The following PDZRN4 variants were observed in gnomAD, a reference collection of about 807,000 sequenced individuals.
The protein encoded by PDZRN4 is PDZ domain containing ring finger 4.
A neutral mutation model predicts 99.0 loss-of-function variants in PDZRN4; 70 were observed. That is an observed-to-expected ratio of 0.71 (90% CI 0.58 to 0.86). PDZRN4 has a LOEUF of 0.86. PDZRN4 is among the 40% of genes least tolerant of loss of function. PDZRN4 has a pLI of 0.00. For synonymous variants in PDZRN4, 551 were observed against 501.6 expected (o/e 1.10, Z -1.32); for missense variants, 1,474 against 1,331.2 (o/e 1.11, Z -1.67).
intron 3 of PDZRN4, among the ~76,000 whole-genome samples, chr12:41,246,022 T>A (rs1256158817): frequency 6.6e-6 from 1 of 152,142 alleles, no homozygotes; most frequent in African/African-American, 2.4e-5. Context: ...CCATCTGAGA[T>A]TTTAAGTCTT....
rs568690752 is a variant in PDZRN4 at position 41,523,561 on chromosome 12, G to C, written c.1203+13648G>C. ...AAGCACCTAGTTCGTATTAGAGACT[G>C]TCTCAGGTACTGGGAACACAGGGGG... is the stretch of plus-strand genomic sequence containing the variant. On this transcript the variant is annotated intron_variant, in intron 5 of 9. Coordinates refer to ENST00000402685, the MANE Select transcript of PDZRN4 (RefSeq NM_001164595.2). 7.2e-5 allele frequency among the ~76,000 whole-genome samples: 11 copies of C among 152,228 alleles called. No homozygotes were observed. The East Asian group carries it at 1.5e-3, about 21-fold the overall frequency.
chr12:41,397,868 G>T (rs983071463), intron 3 of PDZRN4, among the ~76,000 whole-genome samples: 4 of 151,954 alleles, frequency 2.6e-5, no homozygotes, highest in Admixed American at 6.6e-5. Context: ...CCTATCCTTT[G>T]AGGCTGTGTC....
intron 3 of PDZRN4, among the ~76,000 whole-genome samples, chr12:41,224,030 C>A (rs1950976468): frequency 6.6e-6 from 1 of 152,220 alleles, no homozygotes; most frequent in African/African-American, 2.4e-5. Context: ...CAACTCTCTG[C>A]AGAAAACTGC....
intron 7 of PDZRN4, among the ~76,000 whole-genome samples, chr12:41,561,746 G>A: frequency 6.6e-6 from 1 of 151,842 alleles, no homozygotes; most frequent in Admixed American, 6.6e-5. Context: ...TGTGCCTGTA[G>A]TGGAGAGGAG....
At chr12:41,369,276 T>C (rs10506192) in intron 3 of PDZRN4, among the ~76,000 whole-genome samples, 72,001 of 151,914 alleles carry the variant, frequency 0.47, 17,848 homozygotes, top group Middle Eastern at 0.65. Flanking sequence ...CAGAATGGTA[T>C]GATAAAATCT....
intron 3 of PDZRN4, among the ~76,000 whole-genome samples, chr12:41,330,680 AG>A (rs1426941439): frequency 6.6e-6 from 1 of 152,056 alleles, no homozygotes; most frequent in Non-Finnish European, 1.5e-5. Flanking sequence ...AAAAAGTATT[AG>A]GTCAATATGC....
At chr12:41,291,223 T>C (rs188907581) in intron 3 of PDZRN4, among the ~76,000 whole-genome samples, 1 of 152,148 alleles carries the variant, frequency 6.6e-6, no homozygotes, top group Non-Finnish European at 1.5e-5. Flanking sequence ...TGTTGAATAA[T>C]TTCTGAGATA....
intron 3 of PDZRN4, among the ~76,000 whole-genome samples, chr12:41,446,164 T>C (rs1319725956): frequency 6.6e-6 from 1 of 152,112 alleles, no homozygotes; most frequent in Non-Finnish European, 1.5e-5. Context: ...TAAATCTTGC[T>C]TTATGGTTGT....
chr12:41,371,821 T>C (rs1394999014), intron 3 of PDZRN4, among the ~76,000 whole-genome samples: 6 of 152,142 alleles, frequency 3.9e-5, no homozygotes, highest in African/African-American at 1.4e-4. Context: ...CTAGGAGACC[T>C]CCTTTGTTTT....
chr12:41,396,758 C>A (rs1450886021), intron 3 of PDZRN4, among the ~76,000 whole-genome samples: 7 of 152,090 alleles, frequency 4.6e-5, no homozygotes, highest in African/African-American at 1.7e-4. Flanking sequence ...GTATTATATT[C>A]TTTAACTAGA....
chr12:41,339,363 G>A (rs1203323675), intron 3 of PDZRN4, among the ~76,000 whole-genome samples: 1 of 151,974 alleles, frequency 6.6e-6, no homozygotes, highest in Non-Finnish European at 1.5e-5. Flanking sequence ...TGGGAAACTT[G>A]GATATCCATA....
chr12:41,450,257 G>A (rs1555143520), intron 3 of PDZRN4, among the ~76,000 whole-genome samples: 11 of 152,028 alleles, frequency 7.2e-5, no homozygotes, highest in Non-Finnish European at 1.6e-4. Flanking sequence ...TTTGAACCAT[G>A]AAAAATATAT....
At chr12:41,306,392 T>C (rs2120940160) in intron 3 of PDZRN4, among the ~76,000 whole-genome samples, 1 of 152,210 alleles carries the variant, frequency 6.6e-6, no homozygotes, top group Non-Finnish European at 1.5e-5. Flanking sequence ...TGAAAAATAG[T>C]ACAAATTTGT....
intron 3 of PDZRN4, among the ~76,000 whole-genome samples, chr12:41,388,265 G>C (rs914095134): frequency 2.0e-5 from 3 of 152,106 alleles, no homozygotes; most frequent in African/African-American, 7.2e-5. Context: ...AGGGTGGTTG[G>C]AAGGAGAGGG....
At chr12:41,305,728 G>T (rs1041898206) in intron 3 of PDZRN4, among the ~76,000 whole-genome samples, 1 of 152,080 alleles carries the variant, frequency 6.6e-6, no homozygotes, top group East Asian at 1.9e-4. Context: ...TTTGTGGGGG[G>T]ACATGAGCAT....
rs533040278 is a variant in PDZRN4 at position 41,260,737 on chromosome 12, C to A, written c.843+66549C>A. ...GTGATGCTATTATATATTTTAAAGT[C>A]AGTAATAAGAATCTTATATAAACTT... On this transcript the variant is annotated intron_variant, in intron 3 of 9. Coordinates refer to ENST00000402685, the MANE Select transcript of PDZRN4 (RefSeq NM_001164595.2). 2.7e-4 allele frequency among the ~76,000 whole-genome samples: 41 copies of A among 152,148 alleles called. No homozygotes were observed. In the South Asian group the frequency reaches 8.1e-3, roughly 30 times the overall value.
chr12:41,348,679 A>T (rs1951870827), intron 3 of PDZRN4, among the ~76,000 whole-genome samples: 1 of 152,086 alleles, frequency 6.6e-6, no homozygotes, highest in African/African-American at 2.4e-5. Flanking sequence ...TTAAGTGATA[A>T]TGGTGGTCTC....
chr12:41,245,566 T>C (rs1254529346), intron 3 of PDZRN4, among the ~76,000 whole-genome samples: 1 of 152,128 alleles, frequency 6.6e-6, no homozygotes, highest in Non-Finnish European at 1.5e-5. Context: ...TGATATGTGG[T>C]GGAGGGAATG....
intron 3 of PDZRN4, among the ~76,000 whole-genome samples, chr12:41,494,848 T>C (rs1049503396): frequency 2.0e-5 from 3 of 152,152 alleles, no homozygotes; most frequent in Non-Finnish European, 4.4e-5. Context: ...TTGAAAGTGA[T>C]TTAAGCCACC....
Sources: gnomAD v4.1 joint callset for allele counts (sites outside exome capture counted in the v4.1 genomes callset) on GRCh38, gnomAD v4.1.1 for gene constraint, MANE v1.5 for transcripts, NCBI Gene and HGNC (gene_info 2026-07-23, HGNC 2026-07-21) for gene names.